PTPRK: variants seen among roughly 807,000 people sequenced by gnomAD.
PTPRK encodes receptor-type tyrosine-protein phosphatase kappa.
A neutral mutation model predicts 178.0 loss-of-function variants in PTPRK; 75 were observed. The ratio of observed to expected loss-of-function variants is 0.42; its 90% CI spans 0.35 to 0.51. The LOEUF (loss-of-function observed/expected upper bound fraction) is 0.51, where lower values mean the gene tolerates loss of function less well. Among genes scored for constraint, PTPRK ranks in the 20% least tolerant of loss-of-function variants. The probability of loss-of-function intolerance (pLI) is 0.02; values close to 1 mark genes in which losing one functional copy is unlikely to be tolerated. For synonymous variants in PTPRK, 637 were observed against 620.6 expected, an observed-to-expected ratio of 1.03 and a Z score of -0.39; for missense variants, 1,441 against 1,797.8, an observed-to-expected ratio of 0.80 and a Z score of 3.59.
intron 1 of PTPRK, among the ~76,000 whole-genome samples, chr6:128,446,093 C>T (rs1236549826): frequency 1.3e-5 from 2 of 152,074 alleles, no homozygotes; most frequent in African/African-American, 2.4e-5. Context: ...GATGAACTCA[C>T]CTATGACTTT....
intron 2 of PTPRK, among the ~76,000 whole-genome samples, chr6:128,333,958 T>G (rs747425006): frequency 4.6e-5 from 7 of 152,138 alleles, no homozygotes; most frequent in Non-Finnish European, 1.0e-4. Flanking sequence ...GTAGGGTTAC[T>G]AATTGGCTTA....
chr6:128,224,520 A>G (rs1424836325), intron 5 of PTPRK, among the ~76,000 whole-genome samples: 2 of 152,210 alleles, frequency 1.3e-5, no homozygotes, highest in African/African-American at 4.8e-5. Context: ...CAGTAGCATC[A>G]GCATCAACTG....
rs530163014 is a variant in PTPRK at position 128,295,494 on chromosome 6, TCTA to T, written c.495+26542_495+26544del. Among the ~76,000 whole-genome samples, 19 of 152,220 alleles carry T rather than the reference TCTA, an allele frequency of 1.2e-4. No individual in the cohort carries two copies. The East Asian group carries it at 3.7e-3, about 29-fold the overall frequency. On this transcript the variant is annotated intron_variant, in intron 3 of 29. Coordinates refer to ENST00000368226, the MANE Select transcript of PTPRK (RefSeq NM_002844.4). ...TAACACTAAGTAGTAAAAGCAATGA[TCTA>T]CTAACACCTGGTCAAAGAAATGTGT... is the stretch of plus-strand genomic sequence containing the variant.
intron 5 of PTPRK, among the ~76,000 whole-genome samples, chr6:128,223,910 T>A (rs1810838427): frequency 6.6e-6 from 1 of 152,166 alleles, no homozygotes; most frequent in Non-Finnish European, 1.5e-5. Context: ...TCCAACAAAT[T>A]GATTATTTAG....
intron 13 of PTPRK, among the ~76,000 whole-genome samples, chr6:128,018,334 T>A (rs9491901): frequency 1.3e-3 from 193 of 152,236 alleles, no homozygotes; most frequent in African/African-American, 4.4e-3. Flanking sequence ...TTTAAACTTT[T>A]TTTGAAACAA....
At chr6:128,460,538 T>C (rs1045397940) in intron 1 of PTPRK, among the ~76,000 whole-genome samples, 1 of 151,894 alleles carries the variant, frequency 6.6e-6, no homozygotes, top group African/African-American at 2.4e-5. Context: ...AAGTGAGACC[T>C]GTCTTTAAAA....
chr6:128,028,737 T>A (rs1424918656), intron 13 of PTPRK, among the ~76,000 whole-genome samples: 1 of 152,236 alleles, frequency 6.6e-6, no homozygotes, highest in Non-Finnish European at 1.5e-5. Context: ...CAATGCCTAG[T>A]GTAAGACATA....
rs190415576 is a variant in PTPRK, at chr6:128,447,884, A to C, written c.101-50196T>G. Among the ~76,000 whole-genome samples the C allele has an allele frequency of 5.8e-3, 877 of 152,158 alleles. 7 individuals are homozygous for C. Among genetic ancestry groups the C allele is most frequent in the Non-Finnish European group, 7.4e-3 (504 of 67,994 alleles). On this transcript the variant is annotated intron_variant, in intron 1 of 29. Coordinates refer to ENST00000368226, the MANE Select transcript of PTPRK (RefSeq NM_002844.4). The stretch of plus-strand genomic sequence containing the variant: ...TGATCCGCCTGCCTTGACCTCCCAA[A>C]GTGCTGGGATTACAGGTGTGAGCCA...
At chr6:128,302,277 A>G (rs1825741526) in intron 3 of PTPRK, among the ~76,000 whole-genome samples, 1 of 151,570 alleles carries the variant, frequency 6.6e-6, no homozygotes, top group Non-Finnish European at 1.5e-5. Context: ...CTGTAGTCCC[A>G]GCTACTAGGG....
chr6:128,221,357 T>C (rs1290115394), intron 5 of PTPRK, among the ~76,000 whole-genome samples: 1 of 151,904 alleles, frequency 6.6e-6, no homozygotes, highest in African/African-American at 2.4e-5. Context: ...ACCCCGTCTG[T>C]ACTAAAAATA....
At chr6:128,278,135 AT>A (rs926706809) in intron 3 of PTPRK, among the ~76,000 whole-genome samples, 6 of 133,396 alleles carry the variant, frequency 4.5e-5, no homozygotes, top group African/African-American at 1.6e-4. Flanking sequence ...TTATTTATTT[AT>A]TTATTTATTT....
intron 7 of PTPRK, among the ~76,000 whole-genome samples, chr6:128,133,196 T>C (rs1583159187): frequency 6.6e-6 from 1 of 152,216 alleles, no homozygotes; most frequent in Admixed American, 6.5e-5. Context: ...TGTGATACTA[T>C]ATAACAATAT....
intron 27 of PTPRK, among the ~76,000 whole-genome samples, chr6:127,975,303 G>A (rs1774401786): frequency 6.6e-6 from 1 of 152,074 alleles, no homozygotes; most frequent in Admixed American, 6.5e-5. Context: ...GAACCATAAT[G>A]TAACAGATGT....
intron 5 of PTPRK, among the ~76,000 whole-genome samples, chr6:128,233,639 T>A (rs1237082741): frequency 2.0e-5 from 3 of 152,218 alleles, no homozygotes; most frequent in African/African-American, 4.8e-5. Flanking sequence ...ATTCTAGCAA[T>A]GATGAGCCTC....
At chr6:128,483,864 G>T (rs1852438347) in intron 1 of PTPRK, among the ~76,000 whole-genome samples, 1 of 152,100 alleles carries the variant, frequency 6.6e-6, no homozygotes, top group Admixed American at 6.6e-5. Context: ...ATGTCTGCTT[G>T]CCATTGTCCT....
chr6:128,309,262 C>A (rs1321751402), intron 3 of PTPRK, among the ~76,000 whole-genome samples: 1 of 152,144 alleles, frequency 6.6e-6, no homozygotes, highest in Non-Finnish European at 1.5e-5. Flanking sequence ...ATTCTCTTAA[C>A]CCCTGGTGCA....
chr6:128,209,014 T>G (rs2128263694), intron 6 of PTPRK, among the ~76,000 whole-genome samples: 1 of 152,222 alleles, frequency 6.6e-6, no homozygotes, highest in Non-Finnish European at 1.5e-5. Flanking sequence ...CTACTGTCAT[T>G]ACACAATGCT....
In PTPRK at chr6:128,353,534, A is replaced by G. The variant is rs146488202; in HGVS notation, c.224-31224T>C. 3.3e-5 allele frequency among the ~76,000 whole-genome samples: 5 copies of G among 152,368 alleles called. No homozygotes were observed. The East Asian group carries it at 7.7e-4, about 23-fold the overall frequency. ...TACTATTCAGCAGAATAAAGGAACT[A>G]TTAATATGCACAACTTGCATGGATC... is the stretch of plus-strand genomic sequence containing the variant. On this transcript the variant is annotated intron_variant, in intron 2 of 29. Coordinates refer to ENST00000368226, the MANE Select transcript of PTPRK (RefSeq NM_002844.4).
At chr6:128,012,865 A>T (rs1432698107) in intron 13 of PTPRK, among the ~76,000 whole-genome samples, 2 of 151,390 alleles carry the variant, frequency 1.3e-5, no homozygotes, top group Non-Finnish European at 3.0e-5. Context: ...TGGTGTCTTC[A>T]GAGACATTAT....
Sources: gnomAD v4.1 joint callset for allele counts (sites outside exome capture counted in the v4.1 genomes callset) on GRCh38, gnomAD v4.1.1 for gene constraint, MANE v1.5 for transcripts, NCBI Gene and HGNC (gene_info 2026-07-23, HGNC 2026-07-21) for gene names.